The following CAMKMT variants were observed in gnomAD, a reference collection of about 807,000 sequenced individuals.
CAMKMT encodes the protein calmodulin-lysine N-methyltransferase, also known as CaM KMT.
Under a neutral mutation model 48.0 loss-of-function variants are expected in CAMKMT, and 53 were observed. The ratio of observed to expected loss-of-function variants is 1.10; its 90% CI spans 0.89 to 1.39. The LOEUF is 1.39. Among genes scored for constraint, CAMKMT ranks in the 40% most tolerant of loss-of-function variants. The probability of loss-of-function intolerance (pLI) is 0.00; values close to 1 mark genes in which losing one functional copy is unlikely to be tolerated. For synonymous variants in CAMKMT, 165 were observed against 152.3 expected, an observed-to-expected ratio of 1.08 and a Z score of -0.61; for missense variants, 428 against 402.7, an observed-to-expected ratio of 1.06 and a Z score of -0.54.
intron 3 of CAMKMT, among the ~76,000 whole-genome samples, chr2:44,444,090 C>T (rs1302356408): frequency 6.6e-6 from 1 of 152,064 alleles, no homozygotes; most frequent in East Asian, 1.9e-4. Flanking sequence ...AGATATGTTG[C>T]GTAGGTGAGT....
intron 3 of CAMKMT, among the ~76,000 whole-genome samples, chr2:44,442,423 G>C (rs1350979005): frequency 6.6e-6 from 1 of 152,054 alleles, no homozygotes; most frequent in Non-Finnish European, 1.5e-5. Context: ...TGCTTTGTTA[G>C]TCTAATGCCA....
chr2:44,755,884 G>C (rs1165253929), intron 9 of CAMKMT, among the ~76,000 whole-genome samples: 1 of 152,144 alleles, frequency 6.6e-6, no homozygotes, highest in Non-Finnish European at 1.5e-5. Context: ...GCTATGAGAG[G>C]AACAGGGAGG....
chr2:44,525,222 C>T (rs1429608404), intron 3 of CAMKMT, among the ~76,000 whole-genome samples: 2 of 152,056 alleles, frequency 1.3e-5, no homozygotes, highest in African/African-American at 4.8e-5. Context: ...TGAAATCCAA[C>T]AGTAACTATT....
Position 44,772,330 on chromosome 2 carries a change from T to C in CAMKMT, c.*217T>C. 1 of 479,334 alleles carries C rather than the reference T, an allele frequency of 2.1e-6. No individual in the cohort carries two copies. The allele number at this position is 479,334 out of a possible 1,614,324, so 29.7% of individuals were successfully genotyped here. ...TTTACACTCTGCTTGTTGCTCGTCC[T>C]GCCCTAAACCTTTGTTTGTCTTTAA... On this transcript the variant is annotated 3_prime_UTR_variant, in exon 11 of 11. Transcript: ENST00000378494.
chr2:44,658,899 C>T (rs983573537), intron 3 of CAMKMT, among the ~76,000 whole-genome samples: 1 of 152,078 alleles, frequency 6.6e-6, no homozygotes, highest in African/African-American at 2.4e-5. Flanking sequence ...AGTACTCATG[C>T]TTAATTTCTG....
chr2:44,505,068 C>G (rs774148387), intron 3 of CAMKMT, among the ~76,000 whole-genome samples: 48 of 152,110 alleles, frequency 3.2e-4, no homozygotes, highest in Admixed American at 3.3e-4. Context: ...AGACCAAGAA[C>G]TCACTTATTA....
intron 3 of CAMKMT, among the ~76,000 whole-genome samples, chr2:44,597,160 G>T (rs1306124268): frequency 1.3e-5 from 2 of 152,172 alleles, no homozygotes; most frequent in Admixed American, 6.5e-5. Flanking sequence ...GTGCATGATG[G>T]TTGTTGGGTT....
chr2:44,622,641 G>A (rs900150832), intron 3 of CAMKMT, among the ~76,000 whole-genome samples: 5 of 152,210 alleles, frequency 3.3e-5, no homozygotes, highest in South Asian at 2.1e-4. Flanking sequence ...ATGGCCTCCA[G>A]CCGCATCCTA....
chr2:44,645,355 A>G (rs1310813005), intron 3 of CAMKMT, among the ~76,000 whole-genome samples: 1 of 152,220 alleles, frequency 6.6e-6, no homozygotes, highest in Non-Finnish European at 1.5e-5. Context: ...CAGGCCACAT[A>G]CAAACCACAG....
chr2:44,457,973 C>T (rs895670017), intron 3 of CAMKMT, among the ~76,000 whole-genome samples: 3 of 151,876 alleles, frequency 2.0e-5, no homozygotes, highest in Admixed American at 2.0e-4. Context: ...AGAACATCCC[C>T]CATTTTGGAG....
At chr2:44,490,254 C>T (rs1216215035) in intron 3 of CAMKMT, among the ~76,000 whole-genome samples, 1 of 151,954 alleles carries the variant, frequency 6.6e-6, no homozygotes, top group Non-Finnish European at 1.5e-5. Flanking sequence ...TGTCATCTTT[C>T]TTTTTCTTGT....
intron 7 of CAMKMT, among the ~76,000 whole-genome samples, chr2:44,739,406 C>G (rs1679541546): frequency 6.6e-6 from 1 of 152,108 alleles, no homozygotes; most frequent in African/African-American, 2.4e-5. Context: ...TATTCAAGGT[C>G]TTTGGCCTGA....
intron 3 of CAMKMT, among the ~76,000 whole-genome samples, chr2:44,413,608 C>T (rs971985032): frequency 1.6e-4 from 24 of 149,768 alleles, no homozygotes; most frequent in South Asian, 6.3e-4. Context: ...GCCAAGATTG[C>T]GCCACTGCAC....
At chr2:44,404,427 C>T (rs559102886) in intron 3 of CAMKMT, among the ~76,000 whole-genome samples, 3 of 151,998 alleles carry the variant, frequency 2.0e-5, no homozygotes, top group African/African-American at 4.8e-5. Context: ...TATTTTGTTA[C>T]ATATTGGCGA....
chr2:44,598,802 T>C (rs1670819266), intron 3 of CAMKMT, among the ~76,000 whole-genome samples: 1 of 147,914 alleles, frequency 6.8e-6, no homozygotes, highest in Non-Finnish European at 1.5e-5. Context: ...AAGGAATAAA[T>C]AAAGTCATGG....
At position 44,634,691 on chromosome 2, in the gene CAMKMT, G is replaced by A. The variant is rs565902215; in HGVS notation, c.377-69592G>A. On this transcript the variant is annotated intron_variant, in intron 3 of 10. Coordinates refer to ENST00000378494, the MANE Select transcript of CAMKMT (RefSeq NM_024766.5). Reference sequence around the variant, plus strand: ...AACATGTAATATAAATAGTTAGAAAGGTGTTTGGGAGCTCAAATGAGGTCA... The same window carrying A: ...AACATGTAATATAAATAGTTAGAAAAGTGTTTGGGAGCTCAAATGAGGTCA... 2.0e-5 allele frequency among the ~76,000 whole-genome samples: 3 copies of A among 151,534 alleles called. No homozygotes were observed. In the East Asian group the frequency reaches 5.8e-4, roughly 29 times the overall value.
chr2:44,396,411 A>C (rs1251197501), intron 3 of CAMKMT, among the ~76,000 whole-genome samples: 1 of 152,190 alleles, frequency 6.6e-6, no homozygotes, highest in East Asian at 1.9e-4. Context: ...TAAAAAGACA[A>C]TCTGAAAACC....
intron 3 of CAMKMT, among the ~76,000 whole-genome samples, chr2:44,661,075 T>C (rs1365263164): frequency 6.6e-6 from 1 of 152,170 alleles, no homozygotes; most frequent in Non-Finnish European, 1.5e-5. Flanking sequence ...ACCATTATTT[T>C]TATTTGTGTG....
chr2:44,463,262 C>T (rs1377923624), intron 3 of CAMKMT, among the ~76,000 whole-genome samples: 1 of 152,206 alleles, frequency 6.6e-6, no homozygotes, highest in Non-Finnish European at 1.5e-5. Flanking sequence ...CACAAAGACA[C>T]TGACTTAACA....
Sources: allele counts gnomAD v4.1 joint callset (sites outside exome capture counted in the v4.1 genomes callset), GRCh38; gene constraint gnomAD v4.1.1; transcripts MANE v1.5; gene names NCBI Gene and HGNC (gene_info 2026-07-23, HGNC 2026-07-21).